The following WASF3 variants were observed in gnomAD, a reference collection of about 807,000 sequenced individuals.
WASF3 encodes actin-binding protein WASF3.
WASF3 carries 11 observed loss-of-function variants against 46.6 expected under a neutral mutation model. The observed-to-expected ratio is 0.24, with a 90% CI of 0.15 to 0.39. The LOEUF (loss-of-function observed/expected upper bound fraction) is 0.39, where lower values mean the gene tolerates loss of function less well. Among genes scored for constraint, WASF3 ranks in the 10% least tolerant of loss-of-function variants. The pLI is 1.00. For missense variants in WASF3, 576 were observed against 669.8 expected (o/e 0.86, Z 1.55); for synonymous variants, 242 against 259.7 (o/e 0.93, Z 0.65).
chr13:26,555,446 A>G (rs1389438958), upstream of WASF3, among the ~76,000 whole-genome samples: 1 of 152,114 alleles, frequency 6.6e-6, no homozygotes, highest in Non-Finnish European at 1.5e-5. Flanking sequence ...AACTTTAAAT[A>G]CTTAGCATTT....
At chr13:26,611,847 T>TC (rs1880990623) in intron 1 of WASF3, among the ~76,000 whole-genome samples, 1 of 152,018 alleles carries the variant, frequency 6.6e-6, no homozygotes, top group East Asian at 1.9e-4. Context: ...TTTTTTTTTT[T>TC]TGTACTGTTA....
chr13:26,565,373 C>T (rs1185767961), intron 1 of WASF3, among the ~76,000 whole-genome samples: 1 of 151,944 alleles, frequency 6.6e-6, no homozygotes, highest in Non-Finnish European at 1.5e-5. Flanking sequence ...TGTTGCACAG[C>T]TTAGAATGGG....
chr13:26,545,522 T>C, the WASF3 span, among the ~76,000 whole-genome samples: 1 of 152,184 alleles, frequency 6.6e-6, no homozygotes, highest in Non-Finnish European at 1.5e-5. Flanking sequence ...ACTTTTATGG[T>C]TTAATTTTTT....
chr13:26,560,232 A>G (rs574726024), intron 1 of WASF3, among the ~76,000 whole-genome samples: 2 of 152,204 alleles, frequency 1.3e-5, no homozygotes, highest in South Asian at 4.1e-4. Flanking sequence ...ACAGCCCCAC[A>G]CATTCTTCTT....
chr13:26,682,659 C>T lies in WASF3; in HGVS notation c.1036C>T (p.Pro346Ser), dbSNP rs776617036. ...EYYNPSGPPP[P>S]PPPPVIPSAQ... ...TTACAACCCATCCGGACCACCTCCT[C>T]CGCCACCTCCTCCTGTGATTCCCTC... The change falls in exon 9 of 10, where the codon CCG (proline) becomes TCG (serine). Residue 346 changes from proline to serine, a missense_variant. Coordinates refer to ENST00000335327, the MANE Select transcript of WASF3 (RefSeq NM_006646.6). The surrounding 1 kb of genome is among the most constrained non-coding windows in gnomAD (Gnocchi z 4.4). 6.2e-7 allele frequency: 1 copy of T among 1,614,166 alleles called. No homozygotes were observed. Among genetic ancestry groups the T allele is most frequent in the South Asian group, 1.1e-5 (1 of 91,082 alleles).
intron 1 of WASF3, among the ~76,000 whole-genome samples, chr13:26,584,836 T>G (rs1880083752): frequency 6.6e-6 from 1 of 152,214 alleles, no homozygotes; most frequent in Non-Finnish European, 1.5e-5. Context: ...CCCTATAGAT[T>G]GACCTTACAG....
At chr13:26,651,126 A>G (rs1484746679) in intron 3 of WASF3, among the ~76,000 whole-genome samples, 1 of 152,176 alleles carries the variant, frequency 6.6e-6, no homozygotes, top group Admixed American at 6.5e-5. Context: ...GTTCGAGAGC[A>G]GCCTCGCCAA....
chr13:26,669,753 A>T (rs973138933), intron 5 of WASF3, among the ~76,000 whole-genome samples: 1 of 152,194 alleles, frequency 6.6e-6, no homozygotes, highest in African/African-American at 2.4e-5. Flanking sequence ...ACCTCAGGTG[A>T]TCCACCTGCC....
chr13:26,661,516 A>T (rs765006929), intron 3 of WASF3, among the ~76,000 whole-genome samples: 2 of 152,234 alleles, frequency 1.3e-5, no homozygotes, highest in African/African-American at 2.4e-5. Context: ...TTATCCGTTC[A>T]TGTATTGCTG....
chr13:26,561,862 A>G (rs1879305066), intron 1 of WASF3, among the ~76,000 whole-genome samples: 1 of 152,206 alleles, frequency 6.6e-6, no homozygotes, highest in South Asian at 2.1e-4. Context: ...GCCATTGTCC[A>G]GTCTGACTCC....
At chr13:26,541,386 C>T in the WASF3 span, among the ~76,000 whole-genome samples, 1 of 152,212 alleles carries the variant, frequency 6.6e-6, no homozygotes, top group Non-Finnish European at 1.5e-5. Flanking sequence ...GTTGCTTAGC[C>T]TCTCTATGTC....
intron 1 of WASF3, among the ~76,000 whole-genome samples, chr13:26,594,517 G>T (rs72658726): frequency 6.6e-6 from 1 of 152,144 alleles, no homozygotes; most frequent in East Asian, 1.9e-4. Flanking sequence ...CCTGGCTGCA[G>T]CAGTGGCCTA....
the WASF3 span, among the ~76,000 whole-genome samples, chr13:26,548,264 C>T: frequency 1.3e-5 from 2 of 152,172 alleles, no homozygotes; most frequent in Admixed American, 1.3e-4. Context: ...GTAATAACAT[C>T]CTCCTTTTCC....
chr13:26,609,222 T>C (rs575306869), intron 1 of WASF3, among the ~76,000 whole-genome samples: 2 of 152,286 alleles, frequency 1.3e-5, no homozygotes, highest in South Asian at 4.1e-4. Flanking sequence ...ATAAGTAAGA[T>C]TAAAGGGCGT....
chr13:26,608,866 A>G (rs912499723), intron 1 of WASF3, among the ~76,000 whole-genome samples: 4 of 152,218 alleles, frequency 2.6e-5, no homozygotes, highest in African/African-American at 7.2e-5. Context: ...GTGTCTTGCA[A>G]TCTCATAAAT....
intron 2 of WASF3, among the ~76,000 whole-genome samples, chr13:26,631,002 GGTT>G (rs1881634629): frequency 6.6e-6 from 1 of 152,054 alleles, no homozygotes; most frequent in African/African-American, 2.4e-5. Flanking sequence ...CTTTTTGATG[GGTT>G]GTTTTTTTCT....
intron 1 of WASF3, among the ~76,000 whole-genome samples, chr13:26,565,896 T>A (rs537455064): frequency 6.6e-6 from 1 of 152,314 alleles, no homozygotes; most frequent in Admixed American, 6.5e-5. Flanking sequence ...ATTGAAAACT[T>A]CTTCCATTTC....
At chr13:26,676,264 A>G (rs1440184625) in intron 6 of WASF3, among the ~76,000 whole-genome samples, 1 of 152,234 alleles carries the variant, frequency 6.6e-6, no homozygotes, top group African/African-American at 2.4e-5. Context: ...GTTTAAAACA[A>G]GTTACAAGCA....
At chr13:26,647,151 G>A (rs1200293394) in intron 3 of WASF3, among the ~76,000 whole-genome samples, 1 of 152,072 alleles carries the variant, frequency 6.6e-6, no homozygotes, top group Non-Finnish European at 1.5e-5. Flanking sequence ...TATTGAATTT[G>A]GTAACAGTCA....
Sources: allele counts gnomAD v4.1 joint callset (sites outside exome capture counted in the v4.1 genomes callset), GRCh38; gene constraint gnomAD v4.1.1; non-coding constraint Gnocchi (gnomAD v3.1); transcripts MANE v1.5; gene names NCBI Gene and HGNC (gene_info 2026-07-23, HGNC 2026-07-21).